SLC12A6: variants seen among roughly 807,000 people sequenced by gnomAD.
SLC12A6 encodes the protein K-Cl cotransporter 3.
In SLC12A6, 66 loss-of-function variants were observed where a neutral mutation model predicts 135.3. That is an observed-to-expected ratio of 0.49 (90% confidence interval 0.40 to 0.60). SLC12A6 has a LOEUF of 0.60. Ranked by LOEUF, SLC12A6 falls within the 20% of genes least tolerant of loss-of-function variation. SLC12A6 has a pLI of 0.00. For synonymous variants in SLC12A6, 513 were observed against 508.8 expected (o/e 1.01, Z -0.11); for missense variants, 1,058 against 1,452.3 (o/e 0.73, Z 4.41).
At chr15:34,282,312 C>T (rs1894743926) in intron 2 of SLC12A6, among the ~76,000 whole-genome samples, 1 of 152,148 alleles carries the variant, frequency 6.6e-6, no homozygotes, top group Non-Finnish European at 1.5e-5. Flanking sequence ...CCTAGCTAAT[C>T]TCCAAAAGAA....
At chr15:34,335,361 C>G (rs1056539990) in intron 2 of SLC12A6, among the ~76,000 whole-genome samples, 3 of 152,262 alleles carry the variant, frequency 2.0e-5, no homozygotes, top group Admixed American at 2.0e-4. Context: ...TTTCCTGAAC[C>G]CTTTAGGTTA....
intron 2 of SLC12A6, among the ~76,000 whole-genome samples, chr15:34,319,130 C>CTTTT (rs926815901): frequency 7.4e-6 from 1 of 135,390 alleles, no homozygotes; most frequent in Admixed American, 7.4e-5. Flanking sequence ...GAACAGTTAA[C>CTTTT]TTTTTTTTTT....
chr15:34,317,495 G>A lies in SLC12A6; in HGVS notation c.271+18915C>T, dbSNP rs138912195. Among the ~76,000 whole-genome samples the A allele has an allele frequency of 3.1e-3, 467 of 152,266 alleles. 3 individuals carry two copies. Among genetic ancestry groups the A allele is most frequent in the African/African-American group, 0.011 (439 of 41,554 alleles). On this transcript the variant is annotated intron_variant, in intron 2 of 25. Transcript: ENST00000354181. ...GAAGCGGGGGATCGCTTGAGGTCAGGAGTTTGAGATCAGCCTGGCCAAAAA... is the reference window on the plus strand; with the variant it reads ...GAAGCGGGGGATCGCTTGAGGTCAGAAGTTTGAGATCAGCCTGGCCAAAAA...
At chr15:34,256,516 C>T (rs1250563863) in intron 6 of SLC12A6, among the ~76,000 whole-genome samples, 1 of 152,152 alleles carries the variant, frequency 6.6e-6, no homozygotes, top group Non-Finnish European at 1.5e-5. Context: ...AGGTCAGGTG[C>T]TATTAAGAAC....
At chr15:34,282,225 C>T (rs889676970) in intron 2 of SLC12A6, among the ~76,000 whole-genome samples, 1 of 152,120 alleles carries the variant, frequency 6.6e-6, no homozygotes, top group Non-Finnish European at 1.5e-5. Context: ...TGTAAGTAGA[C>T]TTGTCAAATC....
chr15:34,257,651 G>A lies in SLC12A6; in HGVS notation c.681C>T (p.Cys227=), dbSNP rs533774560. The part of the protein sequence containing the change: ...VLQAFAIVLI[C]CCCTMLTAIS... ...CCAGTGCAGTACTTACACAGCAGCA[G>A]CAGATAAGGACAATTGCAAAAGCCT... Residue 227 remains cysteine, a synonymous_variant, in exon 6 of 26, where the codon TGC becomes TGT. Coordinates refer to ENST00000354181, the MANE Select transcript of SLC12A6 (RefSeq NM_001365088.1). 3.7e-6 allele frequency: 6 copies of A among 1,613,566 alleles called. No homozygotes were observed. In the Admixed American group the frequency reaches 8.3e-5, roughly 22 times the overall value.
intron 13 of SLC12A6, among the ~76,000 whole-genome samples, chr15:34,249,338 T>A (rs555277424): frequency 1.3e-5 from 2 of 151,964 alleles, no homozygotes; most frequent in African/African-American, 4.8e-5. Context: ...GGTGGGAGGA[T>A]TGCTTGATCC....
intron 6 of SLC12A6, among the ~76,000 whole-genome samples, chr15:34,257,170 A>G (rs1484323837): frequency 1.3e-5 from 2 of 152,210 alleles, no homozygotes; most frequent in African/African-American, 4.8e-5. Flanking sequence ...CTCAGTAGAG[A>G]GAAGACCTGG....
chr15:34,289,783 T>C (rs1895384438), intron 2 of SLC12A6, among the ~76,000 whole-genome samples: 1 of 152,230 alleles, frequency 6.6e-6, no homozygotes, highest in African/African-American at 2.4e-5. Flanking sequence ...GTTTATAGTA[T>C]TCTCTGATGG....
Position 34,254,487 on chromosome 15 carries a change from C to T in SLC12A6, c.979G>A (p.Val327Ile), listed in dbSNP as rs754134065. The change falls in exon 9 of 26, where the codon GTC becomes ATC. Residue 327 changes from valine to isoleucine, a missense_variant. Physicochemically the swap from Val to Ile is conservative, Grantham distance 29. This residue lies in a region of SLC12A6 where 297 missense variants were observed against 318.5 expected (regional missense o/e 0.93). Coordinates refer to ENST00000354181, the MANE Select transcript of SLC12A6 (RefSeq NM_001365088.1). ...ATAAATACCACTAATACCATAAGGACCAAGAAAGCTGTGCCGTAGACACGC... is the reference window on the plus strand; with the variant it reads ...ATAAATACCACTAATACCATAAGGATCAAGAAAGCTGTGCCGTAGACACGC... ...NMRVYGTAFLVLMVLVVFIGV... is the reference protein window; with the variant it reads ...NMRVYGTAFLILMVLVVFIGV... 3.3e-5 allele frequency: 53 copies of T among 1,613,834 alleles called. No homozygotes were observed. The highest frequency in any genetic ancestry group is 4.3e-5 in the Non-Finnish European group (51 of 1,179,750).
In SLC12A6 at chr15:34,258,953, C is replaced by T. The variant is rs2140758118; in HGVS notation, c.412-9G>A. 6.2e-7 allele frequency: 1 copy of T among 1,605,506 alleles called. No individual in the cohort carries two copies. Among genetic ancestry groups the T allele is most frequent in the Non-Finnish European group, 8.5e-7 (1 of 1,172,248 alleles). On this transcript the variant is annotated splice_polypyrimidine_tract_variant and intron_variant, in intron 4 of 25. Transcript: ENST00000354181. ...CTGGTGTCCATTTCTTCCTATAAAGCCAGTGACATGGAAGAAATGAGCTAC... is the reference window on the plus strand; with the variant it reads ...CTGGTGTCCATTTCTTCCTATAAAGTCAGTGACATGGAAGAAATGAGCTAC...
At chr15:34,245,464 T>C in intron 14 of SLC12A6, 61 bp from the exon 15 acceptor site, 1 of 1,030,000 alleles carries the variant, frequency 9.7e-7, no homozygotes, top group Non-Finnish European at 1.5e-6. Flanking sequence ...CTGATTTCTC[T>C]AGCCTACAGT....
rs187026091 is a variant in SLC12A6, at chr15:34,271,035, T to C, written c.316+4310A>G. On this transcript the variant is annotated intron_variant, in intron 3 of 25. Transcript: ENST00000354181. Reference sequence around the variant, plus strand: ...AGACTCACTCACAATCATAAGAACATAGAGGAAACCGCCCCCATGATTGTT... The same window carrying C: ...AGACTCACTCACAATCATAAGAACACAGAGGAAACCGCCCCCATGATTGTT... Among the ~76,000 whole-genome samples, 11 of 151,924 alleles carry C rather than the reference T, an allele frequency of 7.2e-5. No individual in the cohort carries two copies. The East Asian group carries it at 1.7e-3, about 24-fold the overall frequency.
Position 34,245,747 on chromosome 15 carries a change from A to G in SLC12A6, c.1770T>C (p.Gly590=). 1 of 1,613,696 alleles carries G rather than the reference A, an allele frequency of 6.2e-7. No individual in the cohort carries two copies. Among genetic ancestry groups the G allele is most frequent in the South Asian group, 1.1e-5 (1 of 91,074 alleles). Residue 590 remains glycine, a synonymous_variant, in exon 14 of 26, where the codon GGT becomes GGC. Transcript: ENST00000354181. The stretch of plus-strand genomic sequence containing the variant: ...CAATAGCTTGTAGCAGCCTCGGTGC[A>G]CCTGTGAGGCTCTGAAGTCCAGCCC... ...TCGAGLQSLT[G]APRLLQAIAK... is the part of the protein sequence containing the mutation.
intron 2 of SLC12A6, among the ~76,000 whole-genome samples, chr15:34,310,512 CCG>C: frequency 8.5e-6 from 1 of 117,494 alleles, no homozygotes; most frequent in African/African-American, 3.6e-5. Context: ...GTGTGTGTCC[CCG>C]TGGCCAGGCT....
Position 34,250,944 on chromosome 15 carries a change from T to C in SLC12A6, c.1447A>G (p.Thr483Ala). 6.2e-7 allele frequency: 1 copy of C among 1,612,126 alleles called. No homozygotes were observed. Among genetic ancestry groups the C allele is most frequent in the South Asian group, 1.1e-5 (1 of 91,034 alleles). The change falls in exon 11 of 26, where the codon ACC becomes GCC. Residue 483 changes from threonine to alanine, a missense_variant. Coordinates refer to ENST00000354181, the MANE Select transcript of SLC12A6 (RefSeq NM_001365088.1). ...ATTCCCACCAGAAGCGTGAAGGAGG[T>C]GGTGATGTCAACAAGAACATATTCA... ...NHEYVLVDIT[T>A]SFTLLVGIFF...
intron 2 of SLC12A6, among the ~76,000 whole-genome samples, chr15:34,295,313 T>C (rs2644248): frequency 0.35 from 52,645 of 152,066 alleles, 11,189 homozygotes; most frequent in African/African-American, 0.61. Context: ...GGTGAGATAC[T>C]AGCTCTACCA....
At chr15:34,242,519 A>G (rs2140672334) in intron 16 of SLC12A6, among the ~76,000 whole-genome samples, 1 of 152,306 alleles carries the variant, frequency 6.6e-6, no homozygotes, top group East Asian at 1.9e-4. Flanking sequence ...TGTCCTTTGC[A>G]ACAGAAGATG....
At chr15:34,322,790 C>A (rs1889188904) in intron 2 of SLC12A6, among the ~76,000 whole-genome samples, 1 of 151,334 alleles carries the variant, frequency 6.6e-6, no homozygotes, top group African/African-American at 2.4e-5. Context: ...CCAGCCCAGC[C>A]AACATTGTGA....
Sources: allele counts gnomAD v4.1 joint callset (sites outside exome capture counted in the v4.1 genomes callset), GRCh38; gene constraint gnomAD v4.1.1; regional missense constraint gnomAD v4.1.1; transcripts MANE v1.5; gene names NCBI Gene and HGNC (gene_info 2026-07-23, HGNC 2026-07-21).